IGSF21: variants seen among roughly 807,000 people sequenced by gnomAD.
The protein encoded by IGSF21 is immunoglobulin superfamily member 21.
In IGSF21, 28 loss-of-function variants were observed where a neutral mutation model predicts 46.8. The observed-to-expected ratio is 0.60, with a 90% CI of 0.44 to 0.82. The LOEUF is 0.82. IGSF21 is among the 40% of genes least tolerant of loss of function. IGSF21 has a pLI of 0.00. For synonymous variants in IGSF21, 284 were observed against 273.6 expected (o/e 1.04, Z -0.38); for missense variants, 624 against 665.5 (o/e 0.94, Z 0.69).
At chr1:18,330,382 C>T (rs568694616) in intron 3 of IGSF21, among the ~76,000 whole-genome samples, 9 of 152,260 alleles carry the variant, frequency 5.9e-5, no homozygotes, top group South Asian at 2.1e-4. Flanking sequence ...GGGTGTACAG[C>T]GATCTCTGTT....
At chr1:18,374,613 T>A (rs1261102348) in intron 6 of IGSF21, among the ~76,000 whole-genome samples, 1 of 152,190 alleles carries the variant, frequency 6.6e-6, no homozygotes, top group Non-Finnish European at 1.5e-5. Flanking sequence ...AGCCCTGCTC[T>A]TCCCACGGAT....
chr1:18,155,912 A>C (rs1335642824), intron 1 of IGSF21, among the ~76,000 whole-genome samples: 1 of 152,240 alleles, frequency 6.6e-6, no homozygotes, highest in East Asian at 1.9e-4. Flanking sequence ...CTGAGAGCCT[A>C]ATTGATTAAA....
intron 2 of IGSF21, among the ~76,000 whole-genome samples, chr1:18,248,677 G>A (rs552734870): frequency 1.3e-5 from 2 of 152,176 alleles, no homozygotes; most frequent in South Asian, 4.1e-4. Flanking sequence ...TGCTCTGGGT[G>A]AAAATCCTTC....
intron 4 of IGSF21, among the ~76,000 whole-genome samples, chr1:18,344,046 C>T (rs980675782): frequency 6.6e-6 from 1 of 152,166 alleles, no homozygotes; most frequent in Non-Finnish European, 1.5e-5. Flanking sequence ...CCAGCCAGAA[C>T]CTTGGATTTC....
intron 2 of IGSF21, among the ~76,000 whole-genome samples, chr1:18,232,826 A>G (rs1394947915): frequency 6.6e-6 from 1 of 152,230 alleles, no homozygotes; most frequent in East Asian, 1.9e-4. Context: ...AGACCATGCT[A>G]TGTAGCCCAC....
Position 18,334,338 on chromosome 1 carries a change from A to G in IGSF21, c.306-554A>G, listed in dbSNP as rs28662437. Among the ~76,000 whole-genome samples, 1 of 152,152 alleles carries G rather than the reference A, an allele frequency of 6.6e-6. No homozygotes were observed. Among genetic ancestry groups the G allele is most frequent in the Non-Finnish European group, 1.5e-5 (1 of 68,026 alleles). Reference sequence around the variant, plus strand: ...TATTGTCTTTCTCTTCCATGATCTCAGGACTGGGCATGAAGTGGCAGCATG... The same window carrying G: ...TATTGTCTTTCTCTTCCATGATCTCGGGACTGGGCATGAAGTGGCAGCATG... On this transcript the variant is annotated intron_variant, in intron 3 of 9. Coordinates refer to ENST00000251296, the MANE Select transcript of IGSF21 (RefSeq NM_032880.5). This position sits in a 1 kb window ranked among gnomAD's most constrained non-coding sequence, Gnocchi z 4.3.
chr1:18,361,952 C>T (rs2086105203), intron 4 of IGSF21, 163 bp from the exon 5 acceptor site: 1 of 594,362 alleles, frequency 1.7e-6, no homozygotes, highest in Admixed American at 2.9e-5. Flanking sequence ...AGGACGTGTT[C>T]CTCACTGTAG....
chr1:18,245,529 C>T (rs1208325007), intron 2 of IGSF21, among the ~76,000 whole-genome samples: 1 of 152,144 alleles, frequency 6.6e-6, no homozygotes. Flanking sequence ...GTGGCTTTAT[C>T]TTGCATCCTA....
intron 3 of IGSF21, among the ~76,000 whole-genome samples, chr1:18,310,418 G>A (rs569614936): frequency 2.6e-5 from 4 of 152,302 alleles, no homozygotes; most frequent in East Asian, 1.9e-4. Context: ...GTGGTTGCTC[G>A]TAGCAGTGGC....
chr1:18,306,575 C>G (rs1413159872), intron 3 of IGSF21, among the ~76,000 whole-genome samples: 2 of 152,204 alleles, frequency 1.3e-5, no homozygotes, highest in African/African-American at 4.8e-5. Context: ...CTCTGTCCCC[C>G]TAGCTTTCAG....
At chr1:18,127,115 T>C (rs1173228509) in intron 1 of IGSF21, among the ~76,000 whole-genome samples, 1 of 152,218 alleles carries the variant, frequency 6.6e-6, no homozygotes, top group Non-Finnish European at 1.5e-5. Flanking sequence ...ACTGGCTAGA[T>C]GGGTCATCTT....
intron 2 of IGSF21, among the ~76,000 whole-genome samples, chr1:18,259,632 GA>G (rs2084928346): frequency 6.6e-6 from 1 of 152,176 alleles, no homozygotes. Context: ...ATATAAAGAA[GA>G]GAGAGAGAAA....
chr1:18,213,846 G>A (rs988567574), intron 1 of IGSF21, among the ~76,000 whole-genome samples: 1 of 152,164 alleles, frequency 6.6e-6, no homozygotes, highest in Non-Finnish European at 1.5e-5. Flanking sequence ...CCCAGGATCT[G>A]CTGCCTAAGG....
At chr1:18,174,571 C>G (rs2086776504) in intron 1 of IGSF21, among the ~76,000 whole-genome samples, 1 of 152,210 alleles carries the variant, frequency 6.6e-6, no homozygotes, top group East Asian at 1.9e-4. Flanking sequence ...TCGCTCTTGT[C>G]ACTTCAAGCG....
At chr1:18,252,314 G>A (rs994827039) in intron 2 of IGSF21, among the ~76,000 whole-genome samples, 1 of 152,082 alleles carries the variant, frequency 6.6e-6, no homozygotes, top group Non-Finnish European at 1.5e-5. Flanking sequence ...CTCCCAAAGT[G>A]CTGGGATTAC....
intron 1 of IGSF21, among the ~76,000 whole-genome samples, chr1:18,129,839 C>T (rs969466280): frequency 3.3e-5 from 5 of 152,144 alleles, no homozygotes; most frequent in East Asian, 1.9e-4. Context: ...ACTCATGGGT[C>T]GGATTGGTGC....
At chr1:18,214,244 G>A (rs1462295265) in intron 1 of IGSF21, among the ~76,000 whole-genome samples, 3 of 152,192 alleles carry the variant, frequency 2.0e-5, no homozygotes, top group Non-Finnish European at 4.4e-5. Flanking sequence ...TATTTCAAAA[G>A]AGCCCGGGAG....
At chr1:18,117,549 T>C (rs548503145) in intron 1 of IGSF21, among the ~76,000 whole-genome samples, 1 of 152,262 alleles carries the variant, frequency 6.6e-6, no homozygotes, top group African/African-American at 2.4e-5. Context: ...CCTCGTCTGG[T>C]GGGGGCTGCT....
chr1:18,171,277 C>T (rs2086733776), intron 1 of IGSF21, among the ~76,000 whole-genome samples: 1 of 152,116 alleles, frequency 6.6e-6, no homozygotes, highest in African/African-American at 2.4e-5. Flanking sequence ...AATGAAGACT[C>T]ATCCTTAGGG....
Sources: gnomAD v4.1 joint callset for allele counts (sites outside exome capture counted in the v4.1 genomes callset) on GRCh38, gnomAD v4.1.1 for gene constraint, Gnocchi (gnomAD v3.1) non-coding constraint, MANE v1.5 for transcripts, NCBI Gene and HGNC (gene_info 2026-07-23, HGNC 2026-07-21) for gene names.